The following DCLK3 variants were observed in gnomAD, a reference collection of about 807,000 sequenced individuals.
DCLK3 encodes the protein serine/threonine-protein kinase DCLK3.
A neutral mutation model predicts 46.4 loss-of-function variants in DCLK3; 30 were observed. That is an observed-to-expected ratio of 0.65 (90% CI 0.48 to 0.88). The LOEUF is 0.88. DCLK3 is among the 40% of genes least tolerant of loss of function. DCLK3 has a pLI of 0.00. For missense variants in DCLK3, 846 were observed against 907.1 expected, an observed-to-expected ratio of 0.93 and a Z score of 0.87; for synonymous variants, 401 against 339.2, an observed-to-expected ratio of 1.18 and a Z score of -2.00.
intron 3 of DCLK3, 52 bp downstream of exon 3, chr3:36,721,475 A>C: frequency 6.3e-7 from 1 of 1,583,350 alleles, no homozygotes; most frequent in South Asian, 1.2e-5. Flanking sequence ...GACAAATGAA[A>C]CATTTGTTAG....
chr3:36,723,873 T>C (rs1465187065), intron 2 of DCLK3, among the ~76,000 whole-genome samples: 2 of 152,162 alleles, frequency 1.3e-5, no homozygotes, highest in African/African-American at 4.8e-5. Flanking sequence ...ACAGAGTCCC[T>C]ACTGGGGCAC....
chr3:36,751,900 C>A (rs7615553), intron 1 of DCLK3, among the ~76,000 whole-genome samples: 1 of 152,106 alleles, frequency 6.6e-6, no homozygotes. Flanking sequence ...CATCAGAATG[C>A]GCTGGGTGAT....
At position 36,740,536 on chromosome 3, in the gene DCLK3, G is replaced by A. The variant is rs1189616076; in HGVS notation, c.83-1452C>T. Among the ~76,000 whole-genome samples the A allele has an allele frequency of 3.3e-5, 5 of 152,158 alleles. No homozygotes were observed. The East Asian group carries it at 9.6e-4, about 29-fold the overall frequency. ...TTTTCCCTCTTCTTATTTAAAAAATGTAAAGAAACCAAGGTTCAGAGCTTA... is the reference window on the plus strand; with the variant it reads ...TTTTCCCTCTTCTTATTTAAAAAATATAAAGAAACCAAGGTTCAGAGCTTA... On this transcript the variant is annotated intron_variant, in intron 1 of 4. Coordinates refer to ENST00000636136, the MANE Select transcript of DCLK3 (RefSeq NM_001394672.2).
intron 3 of DCLK3, among the ~76,000 whole-genome samples, chr3:36,720,705 C>T (rs867670988): frequency 1.8e-4 from 28 of 152,150 alleles, no homozygotes; most frequent in African/African-American, 6.3e-4. Context: ...CAGGGTTTCA[C>T]CATGTTGGCC....
intron 3 of DCLK3, among the ~76,000 whole-genome samples, chr3:36,720,567 C>T (rs1355842861): frequency 2.7e-5 from 4 of 149,184 alleles, no homozygotes; most frequent in African/African-American, 9.9e-5. Flanking sequence ...TGCAATGGCA[C>T]GATCTTGGCT....
At chr3:36,723,900 G>A (rs1204198051) in intron 2 of DCLK3, among the ~76,000 whole-genome samples, 1 of 152,202 alleles carries the variant, frequency 6.6e-6, no homozygotes, top group African/African-American at 2.4e-5. Context: ...ATGGAGCTGT[G>A]AGAAGAAGGC....
At chr3:36,761,439 C>T (rs1701538376) in intron 1 of DCLK3, among the ~76,000 whole-genome samples, 1 of 152,208 alleles carries the variant, frequency 6.6e-6, no homozygotes, top group Admixed American at 6.5e-5. Flanking sequence ...ATTCCCAGTA[C>T]AGATGTCTTC....
chr3:36,737,658 T>C lies in DCLK3; in HGVS notation c.1509A>G (p.Pro503=), dbSNP rs773673536. 9.3e-6 allele frequency: 15 copies of C among 1,613,808 alleles called. No homozygotes were observed. The highest frequency in any genetic ancestry group is 1.3e-5 in the Non-Finnish European group (15 of 1,179,932). ...GTGGCTTCCGACCGCTGGGCCGCTC[T>C]GGCTTGTTCTCTTCTGGCCTCGTCT... ...EPKTRPEENK[P]ERPSGRKPRP... The change falls in exon 2 of 5, where the codon CCA becomes CCG. Residue 503 remains proline, a synonymous_variant. Coordinates refer to ENST00000636136, the MANE Select transcript of DCLK3 (RefSeq NM_001394672.2). This position sits in a 1 kb window ranked among gnomAD's most constrained non-coding sequence, Gnocchi z 4.4.
intron 2 of DCLK3, among the ~76,000 whole-genome samples, chr3:36,732,079 T>C (rs1340031590): frequency 6.6e-6 from 1 of 152,226 alleles, no homozygotes; most frequent in Admixed American, 6.5e-5. Flanking sequence ...AGGAAGGTGC[T>C]GTTATGTTCA....
chr3:36,752,090 G>A (rs527343976), intron 1 of DCLK3, among the ~76,000 whole-genome samples: 7 of 152,172 alleles, frequency 4.6e-5, no homozygotes, highest in African/African-American at 1.2e-4. Flanking sequence ...GCAGCTGATC[G>A]CTGCCCAAGT....
At chr3:36,751,845 A>G (rs1449884146) in intron 1 of DCLK3, among the ~76,000 whole-genome samples, 5 of 152,236 alleles carry the variant, frequency 3.3e-5, no homozygotes, top group Non-Finnish European at 7.3e-5. Context: ...GAAGAACCCA[A>G]TAAATCCACA....
At position 36,745,050 on chromosome 3, in the gene DCLK3, T is replaced by C. The variant is rs533588226; in HGVS notation, c.83-5966A>G. On this transcript the variant is annotated intron_variant, in intron 1 of 4. Coordinates refer to ENST00000636136, the MANE Select transcript of DCLK3 (RefSeq NM_001394672.2). The stretch of plus-strand genomic sequence containing the variant: ...AACCTGATTCCACGATGATCAGCTC[T>C]CCACCTTATTAGGCTGGAAAGGCTA... Among the ~76,000 whole-genome samples the C allele has an allele frequency of 2.6e-5, 4 of 152,362 alleles. No individual in the cohort carries two copies. The East Asian group carries it at 7.7e-4, about 29-fold the overall frequency.
Position 36,737,735 on chromosome 3 carries a change from T to C in DCLK3, c.1432A>G (p.Arg478Gly). ...TGGTCATCTCTGAGAGTCATCCTTCTGCCTCCAGACATACATGGCTTTTTC... is the reference window on the plus strand; with the variant it reads ...TGGTCATCTCTGAGAGTCATCCTTCCGCCTCCAGACATACATGGCTTTTTC... ...KEKKPCMSGG[R>G]RMTLRDDQPA... is the part of the protein sequence containing the mutation. The change falls in exon 2 of 5, where the codon AGA becomes GGA. Residue 478 changes from arginine to glycine, a missense_variant. Around this residue, in one of 3 missense-constraint regions of DCLK3, gnomAD observed 553 missense variants for 543.0 expected, o/e 1.02. Transcript: ENST00000636136. The surrounding 1 kb of genome is among the most constrained non-coding windows in gnomAD (Gnocchi z 4.4). 3.1e-6 allele frequency: 5 copies of C among 1,614,216 alleles called. No homozygotes were observed. Among genetic ancestry groups the C allele is most frequent in the Non-Finnish European group, 4.2e-6 (5 of 1,180,030 alleles).
rs770926877 is a variant in DCLK3, at chr3:36,737,418, G to T, written c.1749C>A (p.Ile583=). Residue 583 remains isoleucine (I), a synonymous_variant, in exon 2 of 5, where the codon ATC becomes ATA. Coordinates refer to ENST00000636136, the MANE Select transcript of DCLK3 (RefSeq NM_001394672.2). The surrounding 1 kb of genome is among the most constrained non-coding windows in gnomAD (Gnocchi z 4.4). ...TTTCGTAGACTTCATGCAATTTCAC[G>T]ATGTTGGGGTGAGAGAGGCTCTGGA... The part of the protein sequence containing the change: ...LIIQSLSHPN[I]VKLHEVYETD... 1.9e-6 allele frequency: 3 copies of T among 1,614,062 alleles called. No individual in the cohort carries two copies. The African/African-American group carries it at 4.0e-5, about 22-fold the overall frequency.
At chr3:36,747,099 C>A (rs1438997851) in intron 1 of DCLK3, among the ~76,000 whole-genome samples, 1 of 152,122 alleles carries the variant, frequency 6.6e-6, no homozygotes, top group Non-Finnish European at 1.5e-5. Context: ...AACACAAAGT[C>A]CAGCCACGGT....
chr3:36,733,121 A>T (rs1050239356), intron 2 of DCLK3, among the ~76,000 whole-genome samples: 5 of 152,188 alleles, frequency 3.3e-5, no homozygotes, highest in Non-Finnish European at 7.3e-5. Context: ...GGCCAGAAAG[A>T]GGGTACAACC....
At position 36,764,532 on chromosome 3, in the gene DCLK3, CCAT is replaced by C. The variant is rs1381944255; in HGVS notation, c.-272_-270del. ...AGCCGCCCTCTCTGCGCCGGTCCCG[CCAT>C]GCGCGCCGCTCCTGGCCCTGGAGGC... On this transcript the variant is annotated 5_prime_UTR_variant, in exon 1 of 5. It removes an upstream start codon present in the reference 5' UTR. Coordinates refer to ENST00000636136, the MANE Select transcript of DCLK3 (RefSeq NM_001394672.2). The surrounding 1 kb of genome is among the most constrained non-coding windows in gnomAD (Gnocchi z 4.9). Among the ~76,000 whole-genome samples the C allele has an allele frequency of 6.6e-6, 1 of 152,134 alleles. No individual in the cohort carries two copies. Among genetic ancestry groups the C allele is most frequent in the Admixed American group, 6.5e-5 (1 of 15,282 alleles).
Position 36,738,039 on chromosome 3 carries a change from G to A in DCLK3, c.1128C>T (p.Pro376=). ...TCCTCAGCTCTTGAGTGGGATTCCT[G>A]GGGCTGCTCCTGTGGCTGTCACCCT... ...GWKGDSHRSS[P]RNPTQELRRP... The change falls in exon 2 of 5, where the codon CCC becomes CCT. Residue 376 remains proline, a synonymous_variant. Transcript: ENST00000636136. The A allele has an allele frequency of 6.2e-7, 1 of 1,613,952 alleles. No individual in the cohort carries two copies. Among genetic ancestry groups the A allele is most frequent in the Non-Finnish European group, 8.5e-7 (1 of 1,179,976 alleles).
chr3:36,740,681 G>A (rs186133568), intron 1 of DCLK3, among the ~76,000 whole-genome samples: 1 of 152,270 alleles, frequency 6.6e-6, no homozygotes, highest in East Asian at 1.9e-4. Context: ...ATCCAGGTCA[G>A]GAAGAGAAAT....
Sources: gnomAD v4.1 joint callset for allele counts (sites outside exome capture counted in the v4.1 genomes callset) on GRCh38, gnomAD v4.1.1 for gene constraint, gnomAD v4.1.1 regional missense constraint, Gnocchi (gnomAD v3.1) non-coding constraint, MANE v1.5 for transcripts, NCBI Gene and HGNC (gene_info 2026-07-23, HGNC 2026-07-21) for gene names.